Variants in HDAC9 observed in about 807,000 individuals in gnomAD.
HDAC9 encodes histone deacetylase 9, also known as MEF-2 interacting transcription repressor (MITR) protein.
In HDAC9, 41 loss-of-function variants were observed where a neutral mutation model predicts 139.4. That is an observed-to-expected ratio of 0.29 (90% CI 0.23 to 0.38). The LOEUF (loss-of-function observed/expected upper bound fraction) is 0.38, where lower values mean the gene tolerates loss of function less well. Among genes scored for constraint, HDAC9 ranks in the 10% least tolerant of loss-of-function variants. HDAC9 has a pLI of 1.00. For synonymous variants in HDAC9, 517 were observed against 476.2 expected (o/e 1.09, Z -1.12); for missense variants, 1,147 against 1,297.0 (o/e 0.88, Z 1.78).
intron 6 of HDAC9, among the ~76,000 whole-genome samples, chr7:18,599,723 G>T (rs955781701): frequency 1.3e-5 from 2 of 152,040 alleles, no homozygotes; most frequent in African/African-American, 4.8e-5. Flanking sequence ...CCAAATTTTG[G>T]TGATTATGAA....
intron 12 of HDAC9, among the ~76,000 whole-genome samples, chr7:18,691,367 G>A (rs991120463): frequency 6.6e-6 from 1 of 152,004 alleles, no homozygotes; most frequent in Admixed American, 6.6e-5. Flanking sequence ...CTGAGAGGTT[G>A]GTGGGTCACT....
intron 3 of HDAC9, among the ~76,000 whole-genome samples, chr7:18,589,671 T>C (rs1376463442): frequency 6.6e-6 from 1 of 152,226 alleles, no homozygotes; most frequent in Non-Finnish European, 1.5e-5. Context: ...TGGTTTCTTC[T>C]TGACCAGTGT....
chr7:18,240,441 G>A (rs1242891929), intron 2 of HDAC9, among the ~76,000 whole-genome samples: 1 of 152,026 alleles, frequency 6.6e-6, no homozygotes, highest in Non-Finnish European at 1.5e-5. Flanking sequence ...ATCCCCCAGT[G>A]TTTCTAGTTT....
intron 21 of HDAC9, among the ~76,000 whole-genome samples, chr7:18,839,533 G>T (rs1458123928): frequency 6.6e-6 from 1 of 152,008 alleles, no homozygotes; most frequent in African/African-American, 2.4e-5. Context: ...ATGAGTCAAT[G>T]AATGAATGAA....
chr7:18,719,731 T>C (rs1562880475), intron 12 of HDAC9, among the ~76,000 whole-genome samples: 1 of 152,178 alleles, frequency 6.6e-6, no homozygotes, highest in Non-Finnish European at 1.5e-5. Flanking sequence ...GAGAATATTA[T>C]AGTTTTAGAT....
At chr7:18,419,973 C>G (rs551583679) in intron 1 of HDAC9, among the ~76,000 whole-genome samples, 45 of 152,300 alleles carry the variant, frequency 3.0e-4, no homozygotes, top group Non-Finnish European at 4.6e-4. Flanking sequence ...CTGCAGATTA[C>G]AGACTCAGGT....
At chr7:18,423,294 A>G (rs964730279) in intron 1 of HDAC9, among the ~76,000 whole-genome samples, 1 of 152,170 alleles carries the variant, frequency 6.6e-6, no homozygotes, top group Non-Finnish European at 1.5e-5. Context: ...AACCATAGAT[A>G]TTTTTTATTT....
At chr7:18,960,967 C>A (rs1186605243) in intron 24 of HDAC9, among the ~76,000 whole-genome samples, 1 of 152,164 alleles carries the variant, frequency 6.6e-6, no homozygotes, top group African/African-American at 2.4e-5. Flanking sequence ...CTCCAGATTG[C>A]AACGTGTGCT....
intron 22 of HDAC9, among the ~76,000 whole-genome samples, chr7:18,890,507 A>T (rs2024021): frequency 2.0e-5 from 3 of 152,228 alleles, no homozygotes; most frequent in African/African-American, 7.2e-5. Context: ...AGCACACGTA[A>T]ATAGTACAGG....
chr7:18,942,630 A>G (rs2129315643), intron 23 of HDAC9, among the ~76,000 whole-genome samples: 1 of 152,226 alleles, frequency 6.6e-6, no homozygotes, highest in South Asian at 2.1e-4. Flanking sequence ...CAATTTTCCC[A>G]GATAATCAAT....
intron 18 of HDAC9, 111 bp from the exon 19 acceptor site, chr7:18,829,350 T>C: frequency 1.8e-6 from 2 of 1,112,354 alleles, no homozygotes; most frequent in Non-Finnish European, 2.8e-6. Context: ...CAGAAGCAGA[T>C]TTATGGCTTC....
At chr7:18,364,544 C>T (rs1244125158) in intron 1 of HDAC9, among the ~76,000 whole-genome samples, 1 of 151,876 alleles carries the variant, frequency 6.6e-6, no homozygotes, top group East Asian at 1.9e-4. Context: ...TTTTCTATAC[C>T]TTTGCTACTC....
chr7:18,314,278 A>T (rs572337563), intron 1 of HDAC9, among the ~76,000 whole-genome samples: 1 of 152,310 alleles, frequency 6.6e-6, no homozygotes, highest in East Asian at 1.9e-4. Flanking sequence ...AGCCAAAGGG[A>T]TAGTGTCCCA....
In HDAC9 at chr7:18,267,209, T is replaced by C. The variant is rs1007792912; in HGVS notation, c.25+104860T>C. 7.2e-5 allele frequency among the ~76,000 whole-genome samples: 11 copies of C among 152,260 alleles called. No homozygotes were observed. In the East Asian group the frequency reaches 1.7e-3, roughly 24 times the overall value. ...TTAATTGACTTTATAATGTATAATA[T>C]GTTGTTTTGAAACATGTATACATTG... On this transcript the variant is annotated intron_variant, in intron 2 of 12. Transcript: ENST00000417496.
chr7:18,403,899 CAGGGTAAATA>C (rs1378708006), intron 1 of HDAC9, among the ~76,000 whole-genome samples: 1 of 152,124 alleles, frequency 6.6e-6, no homozygotes, highest in African/African-American at 2.4e-5. Context: ...CTGGGTAGGG[CAGGGTAAATA>C]AGCTTCTGTG....
At chr7:18,494,079 A>G (rs753102978), upstream of HDAC9, among the ~76,000 whole-genome samples, 3 of 152,126 alleles carry the variant, frequency 2.0e-5, no homozygotes, top group Non-Finnish European at 1.5e-5. Context: ...GTTTATTTGT[A>G]ATATCAGATG....
At chr7:18,156,021 C>A (rs1001960047) in intron 1 of HDAC9, among the ~76,000 whole-genome samples, 2 of 152,154 alleles carry the variant, frequency 1.3e-5, no homozygotes, top group African/African-American at 4.8e-5. Flanking sequence ...CTCAGGACAA[C>A]ATAAATATTA....
chr7:18,738,439 T>C (rs1787130032), intron 13 of HDAC9, among the ~76,000 whole-genome samples: 1 of 152,250 alleles, frequency 6.6e-6, no homozygotes, highest in Admixed American at 6.5e-5. Context: ...TCAGGAGCTC[T>C]TGTAAGGCAG....
At chr7:18,745,855 A>G (rs932636623) in intron 13 of HDAC9, among the ~76,000 whole-genome samples, 58 of 124,562 alleles carry the variant, frequency 4.7e-4, no homozygotes, top group African/African-American at 1.2e-3. Context: ...CCGACTCTCT[A>G]CTCTTGAAGA....
Sources: gnomAD v4.1 joint callset for allele counts (sites outside exome capture counted in the v4.1 genomes callset) on GRCh38, gnomAD v4.1.1 for gene constraint, MANE v1.5 for transcripts, NCBI Gene and HGNC (gene_info 2026-07-23, HGNC 2026-07-21) for gene names.